MYZAP: variants seen among roughly 807,000 people sequenced by gnomAD.
MYZAP encodes myocardial zonula adherens protein, also known as GRINL1A complex locus upstream.
A neutral mutation model predicts 69.4 loss-of-function variants in MYZAP; 66 were observed. The observed-to-expected ratio is 0.95, with a 90% CI of 0.78 to 1.17. MYZAP has a LOEUF of 1.17. Ranked by LOEUF, MYZAP falls within the 50% of genes most tolerant of loss-of-function variation. The pLI is 0.00. For synonymous variants in MYZAP, 256 were observed against 205.9 expected, an observed-to-expected ratio of 1.24 and a Z score of -2.09; for missense variants, 611 against 556.2, an observed-to-expected ratio of 1.10 and a Z score of -0.99.
Position 57,637,718 on chromosome 15 carries a change from A to C in MYZAP, c.957A>C (p.Gln319His), listed in dbSNP as rs747617490. ...MEKERHQLQL[Q>H]LLEHETEMSG... Reference sequence around the variant, plus strand: ...AGGAACGTCATCAACTGCAACTTCAACTCCTAGAACATGAAACAGAAATGT... The same window carrying C: ...AGGAACGTCATCAACTGCAACTTCACCTCCTAGAACATGAAACAGAAATGT... Residue 319 changes from glutamine to histidine, a missense_variant, in exon 9 of 13, where the codon CAA becomes CAC. Coordinates refer to ENST00000267853, the MANE Select transcript of MYZAP (RefSeq NM_001018100.5). The C allele has an allele frequency of 6.2e-7, 1 of 1,613,134 alleles. No individual in the cohort carries two copies. The highest frequency in any genetic ancestry group is 1.1e-5 in the South Asian group (1 of 90,758).
chr15:57,676,959 C>T (rs1595943051), intron 12 of MYZAP, among the ~76,000 whole-genome samples: 1 of 152,202 alleles, frequency 6.6e-6, no homozygotes, highest in Non-Finnish European at 1.5e-5. Context: ...CTAGGTCAAT[C>T]AGCAGAGGAA....
At chr15:57,647,869 A>G in intron 10 of MYZAP, 9 of 985,266 alleles carry the variant, frequency 9.1e-6, no homozygotes, top group Non-Finnish European at 1.1e-5. Flanking sequence ...TCCTGCCTGT[A>G]CTGTGATATG....
intron 10 of MYZAP, chr15:57,647,071 A>G (rs2093887488): frequency 1.0e-6 from 1 of 985,248 alleles, no homozygotes; most frequent in Admixed American, 6.1e-5. Flanking sequence ...TCAGAGGCCC[A>G]GTGTCCCTCA....
At chr15:57,626,509 C>A (rs2140416082) in intron 5 of MYZAP, among the ~76,000 whole-genome samples, 1 of 152,262 alleles carries the variant, frequency 6.6e-6, no homozygotes, top group African/African-American at 2.4e-5. Flanking sequence ...TCAAGTGCTT[C>A]CCATTCTTAC....
chr15:57,635,191 G>A (rs4774979), intron 8 of MYZAP, among the ~76,000 whole-genome samples: 37,826 of 152,056 alleles, frequency 0.25, 5,814 homozygotes, highest in Non-Finnish European at 0.34. Context: ...TCCTAACTCA[G>A]TCTCCACTTC....
Position 57,625,702 on chromosome 15 carries a change from A to G in MYZAP, c.412-77A>G. 2.2e-6 allele frequency: 3 copies of G among 1,370,174 alleles called. No individual in the cohort carries two copies. The East Asian group carries it at 6.9e-5, about 32-fold the overall frequency. 84.9% of individuals were successfully genotyped at this position (1,370,174 alleles called of 1,614,324 possible). A position where few individuals can be genotyped will look rare whatever the true frequency, so the allele number is the denominator to read the frequency against. On this transcript the variant is annotated intron_variant, in intron 4 of 12. Coordinates refer to ENST00000267853, the MANE Select transcript of MYZAP (RefSeq NM_001018100.5). Reference sequence around the variant, plus strand: ...AAGTAGATGTGGCTTCTAACAGAAGAAAGTTCCAGCCTAACTGAAGATTGT... The same window carrying G: ...AAGTAGATGTGGCTTCTAACAGAAGGAAGTTCCAGCCTAACTGAAGATTGT...
rs375076111 is a variant in MYZAP at position 57,658,424 on chromosome 15, T to G, written c.1120-3026T>G. Among the ~76,000 whole-genome samples the G allele has an allele frequency of 1.4e-3, 211 of 152,348 alleles. 5 individuals are homozygous for G. The South Asian group carries it at 0.04, about 29-fold the overall frequency. ...GCAATAACATTTTCCAAAGTGTCTT[T>G]TCTTCTGATGCTTTGTTCCAATCAG... On this transcript the variant is annotated intron_variant, in intron 10 of 12. Coordinates refer to ENST00000267853, the MANE Select transcript of MYZAP (RefSeq NM_001018100.5).
chr15:57,594,802 C>G (rs2033947847), intron 1 of MYZAP, among the ~76,000 whole-genome samples: 2 of 152,202 alleles, frequency 1.3e-5, no homozygotes, highest in Admixed American at 1.3e-4. Flanking sequence ...TTTAGAAAAG[C>G]AGGAACGGGA....
chr15:57,602,900 A>G (rs75973714), intron 1 of MYZAP, among the ~76,000 whole-genome samples: 3,134 of 152,230 alleles, frequency 0.021, 119 homozygotes, highest in African/African-American at 0.072. Context: ...TACTATTATT[A>G]CTGTTATTGT....
intron 3 of MYZAP, among the ~76,000 whole-genome samples, chr15:57,618,598 G>C (rs1892280456): frequency 6.6e-6 from 1 of 152,176 alleles, no homozygotes; most frequent in African/African-American, 2.4e-5. Context: ...AACCACAATA[G>C]ACTTTGTCCA....
intron 11 of MYZAP, among the ~76,000 whole-genome samples, chr15:57,674,123 C>A (rs1399582823): frequency 6.6e-6 from 1 of 151,960 alleles, no homozygotes; most frequent in African/African-American, 2.4e-5. Context: ...AACCACTGTT[C>A]ACTTCTTTCT....
intron 8 of MYZAP, among the ~76,000 whole-genome samples, chr15:57,635,223 CTTCTTA>C (rs1434940483): frequency 6.6e-6 from 1 of 152,178 alleles, no homozygotes; most frequent in African/African-American, 2.4e-5. Flanking sequence ...GATAATGGTA[CTTCTTA>C]TTCTTAGGGC....
At chr15:57,613,655 G>C (rs1364465384) in intron 2 of MYZAP, among the ~76,000 whole-genome samples, 1 of 151,958 alleles carries the variant, frequency 6.6e-6, no homozygotes, top group African/African-American at 2.4e-5. Flanking sequence ...ATAAGCATGA[G>C]ACACCGTGCC....
chr15:57,646,436 A>G, intron 10 of MYZAP: 2 of 1,057,902 alleles, frequency 1.9e-6, no homozygotes, highest in Non-Finnish European at 2.3e-6. Context: ...TCACAGATCC[A>G]CAGAGTATTT....
intron 11 of MYZAP, among the ~76,000 whole-genome samples, chr15:57,666,028 A>G (rs1371015691): frequency 6.6e-6 from 1 of 152,246 alleles, no homozygotes; most frequent in Non-Finnish European, 1.5e-5. Context: ...TGATTAAATA[A>G]TAGATACAAA....
chr15:57,612,039 A>G (rs1313620017), intron 2 of MYZAP, among the ~76,000 whole-genome samples: 1 of 152,194 alleles, frequency 6.6e-6, no homozygotes, highest in Non-Finnish European at 1.5e-5. Context: ...ATGAGTAATG[A>G]CCTGGGCCAA....
intron 2 of MYZAP, among the ~76,000 whole-genome samples, chr15:57,606,099 A>G (rs2034730551): frequency 6.6e-6 from 1 of 152,172 alleles, no homozygotes; most frequent in South Asian, 2.1e-4. Context: ...TAGATGCAAA[A>G]ATAAGTTGGT....
intron 4 of MYZAP, among the ~76,000 whole-genome samples, chr15:57,623,841 G>A (rs1198624082): frequency 2.6e-5 from 4 of 151,636 alleles, no homozygotes; most frequent in Admixed American, 6.6e-5. Flanking sequence ...TCCCTTGAAG[G>A]GGAGATACAG....
At chr15:57,617,396 T>G (rs1429869836) in intron 2 of MYZAP, among the ~76,000 whole-genome samples, 1 of 152,138 alleles carries the variant, frequency 6.6e-6, no homozygotes, top group African/African-American at 2.4e-5. Context: ...CAAGGGTATT[T>G]GCATTTCAAC....
Sources: gnomAD v4.1 joint callset for allele counts (sites outside exome capture counted in the v4.1 genomes callset) on GRCh38, gnomAD v4.1.1 for gene constraint, MANE v1.5 for transcripts, NCBI Gene and HGNC (gene_info 2026-07-23, HGNC 2026-07-21) for gene names.